ZYG11B: variants seen among roughly 807,000 people sequenced by gnomAD.
ZYG11B encodes the protein zyg-11 family member B, cell cycle regulator.
Under a neutral mutation model 82.4 loss-of-function variants are expected in ZYG11B, and 36 were observed. That is an observed-to-expected ratio of 0.44 (90% CI 0.33 to 0.58). The LOEUF (loss-of-function observed/expected upper bound fraction) is 0.58, where lower values mean the gene tolerates loss of function less well. ZYG11B is among the 20% of genes least tolerant of loss of function. ZYG11B has a pLI of 0.02. For missense variants in ZYG11B, 552 were observed against 895.6 expected, an observed-to-expected ratio of 0.62 and a Z score of 4.90; for synonymous variants, 303 against 312.8, an observed-to-expected ratio of 0.97 and a Z score of 0.33.
chr1:52,758,200 A>C (rs1179659759), intron 2 of ZYG11B, among the ~76,000 whole-genome samples: 1 of 102,164 alleles, frequency 9.8e-6, no homozygotes, highest in African/African-American at 8.0e-5. Context: ...CTCTGTCTCA[A>C]AAAAAAAAAA....
intron 13 of ZYG11B, among the ~76,000 whole-genome samples, chr1:52,817,806 T>C (rs1645245356): frequency 2.1e-5 from 1 of 48,554 alleles, no homozygotes; most frequent in Non-Finnish European, 4.3e-5. Flanking sequence ...TATATATATA[T>C]ATATATATAT....
chr1:52,753,124 G>A (rs1008446106), intron 1 of ZYG11B, among the ~76,000 whole-genome samples: 12 of 152,104 alleles, frequency 7.9e-5, no homozygotes, highest in Admixed American at 5.9e-4. Context: ...AGGATTACAG[G>A]TGTGAGCTGC....
At chr1:52,777,644 G>A (rs1490846578) in intron 3 of ZYG11B, among the ~76,000 whole-genome samples, 1 of 151,970 alleles carries the variant, frequency 6.6e-6, no homozygotes, top group Non-Finnish European at 1.5e-5. Context: ...GTCTTACTAT[G>A]TTCCCCAGGC....
At chr1:52,752,429 G>A (rs1043670595) in intron 1 of ZYG11B, among the ~76,000 whole-genome samples, 2 of 152,086 alleles carry the variant, frequency 1.3e-5, no homozygotes, top group Non-Finnish European at 2.9e-5. Flanking sequence ...CCATTTTTGG[G>A]TGATTTTGTG....
intron 1 of ZYG11B, among the ~76,000 whole-genome samples, chr1:52,732,229 C>A (rs1306468935): frequency 2.0e-5 from 3 of 152,132 alleles, no homozygotes; most frequent in Non-Finnish European, 2.9e-5. Flanking sequence ...ATTGAAATCC[C>A]TTCCAAGCTT....
chr1:52,805,033 G>C (rs1184414006), intron 10 of ZYG11B: 1 of 150,192 alleles, frequency 6.7e-6, no homozygotes, highest in African/African-American at 2.5e-5. Flanking sequence ...GGGGGTTGCT[G>C]TGAGCCGAGA....
chr1:52,776,229 A>AAAAAAAAAATATATACAT, intron 3 of ZYG11B, among the ~76,000 whole-genome samples: 1 of 23,536 alleles, frequency 4.2e-5, no homozygotes, highest in Non-Finnish European at 1.2e-4. Flanking sequence ...TAAAAAAAAA[A>AAAAAAAAAATATATACAT]ATATATATAT....
chr1:52,796,502 C>A, intron 7 of ZYG11B, 111 bp downstream of exon 7: 1 of 1,004,972 alleles, frequency 1.0e-6, no homozygotes, highest in East Asian at 2.7e-5. Context: ...CTCTGCCAGC[C>A]TGCTTATTCA....
intron 6 of ZYG11B, among the ~76,000 whole-genome samples, chr1:52,794,015 G>A (rs994378334): frequency 6.0e-5 from 9 of 149,810 alleles, no homozygotes; most frequent in East Asian, 5.9e-4. Flanking sequence ...TCACTCTGTC[G>A]CCAGGCTGGA....
chr1:52,735,725 A>G (rs1042706138), intron 1 of ZYG11B, among the ~76,000 whole-genome samples: 24 of 151,836 alleles, frequency 1.6e-4, no homozygotes, highest in African/African-American at 5.3e-4. Context: ...TTTAGAAGAG[A>G]TGGGGTTTCA....
chr1:52,801,932 A>G lies in ZYG11B; in HGVS notation c.1599A>G (p.Arg533=). The G allele has an allele frequency of 6.2e-7, 1 of 1,611,810 alleles. No individual in the cohort carries two copies. Among genetic ancestry groups the G allele is most frequent in the East Asian group, 2.2e-5 (1 of 44,798 alleles). The change falls in exon 9 of 14, where the codon AGA becomes AGG. Residue 533 remains arginine (R), a synonymous_variant. Coordinates refer to ENST00000294353, the MANE Select transcript of ZYG11B (RefSeq NM_024646.3). ...CAGATGAATCTCCAACCACTTGTAG[A>G]CACTTTATTGAAAACCAAGGGTTAG... ...NLTDESPTTC[R]HFIENQGLEL... is the part of the protein sequence containing the mutation.
intron 3 of ZYG11B, among the ~76,000 whole-genome samples, chr1:52,774,634 T>TTA (rs1644788950): frequency 4.0e-5 from 6 of 148,648 alleles, no homozygotes; most frequent in South Asian, 2.1e-4. Flanking sequence ...TTTTTTTTTT[T>TTA]TAGTGTTTTT....
chr1:52,778,281 A>G (rs1038237647), intron 3 of ZYG11B, among the ~76,000 whole-genome samples: 8 of 151,618 alleles, frequency 5.3e-5, no homozygotes, highest in African/African-American at 1.9e-4. Flanking sequence ...CTCAGTCTGG[A>G]TTTTATTGTA....
intron 1 of ZYG11B, among the ~76,000 whole-genome samples, chr1:52,739,845 A>ATC (rs1303917206): frequency 1.3e-5 from 2 of 152,080 alleles, no homozygotes; most frequent in African/African-American, 4.8e-5. Context: ...ACCTCAAGTG[A>ATC]TCTGCCTGCC....
intron 13 of ZYG11B, among the ~76,000 whole-genome samples, chr1:52,817,305 A>G (rs1344330363): frequency 6.6e-6 from 1 of 152,184 alleles, no homozygotes; most frequent in East Asian, 1.9e-4. Flanking sequence ...TCTGTTGTTC[A>G]AGATGTCGCT....
chr1:52,768,575 A>C (rs1038979065), intron 2 of ZYG11B, among the ~76,000 whole-genome samples: 2 of 151,154 alleles, frequency 1.3e-5, no homozygotes, highest in African/African-American at 4.9e-5. Context: ...TTCTTGCTTT[A>C]ATATACCTAA....
intron 1 of ZYG11B, among the ~76,000 whole-genome samples, chr1:52,745,864 G>GT (rs11388141): frequency 0.5 from 75,991 of 150,692 alleles, 19,304 homozygotes; most frequent in East Asian, 0.62. Flanking sequence ...GCATCCAGCT[G>GT]TTTTTTTTGT....
Position 52,803,103 on chromosome 1 carries a change from T to TACACACAC in ZYG11B, c.1695+965_1695+966insCACACACA, listed in dbSNP as rs1449422245. Among the ~76,000 whole-genome samples, 14 of 79,730 alleles carry TACACACAC rather than the reference T, an allele frequency of 1.8e-4. 2 individuals are homozygous for TACACACAC. In the African/African-American group the frequency reaches 1.8e-3, roughly 10 times the overall value. The allele number at this position is 79,730 out of a possible 152,430, so 52.3% of individuals were successfully genotyped here. On this transcript the variant is annotated intron_variant, in intron 10 of 13. Coordinates refer to ENST00000294353, the MANE Select transcript of ZYG11B (RefSeq NM_024646.3). ...ATATATACACATATATATATACATA[T>TACACACAC]ATATATATATATATACACACATATA...
rs1159729442 is a variant in ZYG11B, at chr1:52,822,195, T to G, written c.*566T>G. On this transcript the variant is annotated 3_prime_UTR_variant, in exon 14 of 14. Transcript: ENST00000294353. ...AAAGATATATGAGAAAGAAAAATTA[T>G]GAAGGTAGAACAGAGTGTAGGAACT... 4 of 152,248 alleles carry G rather than the reference T, an allele frequency of 2.6e-5. No individual in the cohort carries two copies. Among genetic ancestry groups the G allele is most frequent in the Non-Finnish European group, 5.9e-5 (4 of 68,076 alleles). The allele number at this position is 152,248 out of a possible 1,614,324, so 9.4% of individuals were successfully genotyped here. A position where few individuals can be genotyped will look rare whatever the true frequency, so the allele number is the denominator to read the frequency against.
Sources: gnomAD v4.1 joint callset for allele counts (sites outside exome capture counted in the v4.1 genomes callset) on GRCh38, gnomAD v4.1.1 for gene constraint, MANE v1.5 for transcripts, NCBI Gene and HGNC (gene_info 2026-07-23, HGNC 2026-07-21) for gene names.